The following ZNF142 variants were observed in gnomAD, a reference collection of about 807,000 sequenced individuals.
The protein encoded by ZNF142 is zinc finger protein 142.
A neutral mutation model predicts 132.1 loss-of-function variants in ZNF142; 96 were observed. The observed-to-expected ratio is 0.73, with a 90% CI of 0.62 to 0.86. ZNF142 has a LOEUF of 0.86. Ranked by LOEUF, ZNF142 falls within the 40% of genes least tolerant of loss-of-function variation. The probability of loss-of-function intolerance (pLI) is 0.00; values close to 1 mark genes in which losing one functional copy is unlikely to be tolerated. For synonymous variants in ZNF142, 842 were observed against 890.1 expected (o/e 0.95, Z 0.96); for missense variants, 2,163 against 2,336.2 (o/e 0.93, Z 1.53).
intron 4 of ZNF142, among the ~76,000 whole-genome samples, chr2:218,655,598 TCCTG>T (rs1252619610): frequency 3.6e-4 from 55 of 152,284 alleles, no homozygotes; most frequent in Admixed American, 3.4e-3. Context: ...CAAGCAATCT[TCCTG>T]CCTCAGCCTC....
At chr2:218,646,388 C>T (rs1190395941) in intron 7 of ZNF142, 40 bp from the exon 8 acceptor site, 1 of 1,603,770 alleles carries the variant, frequency 6.2e-7, no homozygotes, top group Non-Finnish European at 8.5e-7. Context: ...GAACACAGGT[C>T]AGATACAGAT....
At chr2:218,638,923 C>G (rs1696946145) in intron 10 of ZNF142, 115 bp from the exon 11 acceptor site, 1 of 808,932 alleles carries the variant, frequency 1.2e-6, no homozygotes, top group African/African-American at 1.7e-5. Flanking sequence ...GACTAATGAC[C>G]ATCTCTTTGG....
rs1559296440 is a variant in ZNF142, at chr2:218,646,358, G to A, written c.1874-10C>T. On this transcript the variant is annotated splice_polypyrimidine_tract_variant and intron_variant, in intron 7 of 10. Transcript: ENST00000411696. ...TTGTGGGGCTTCTCACCTTATATGGGGGATGCGGATGAAGGGAGAGAACAC... is the reference window on the plus strand; with the variant it reads ...TTGTGGGGCTTCTCACCTTATATGGAGGATGCGGATGAAGGGAGAGAACAC... 3 of 1,613,826 alleles carry A rather than the reference G, an allele frequency of 1.9e-6. No homozygotes were observed. Among genetic ancestry groups the A allele is most frequent in the Non-Finnish European group, 2.5e-6 (3 of 1,179,832 alleles).
chr2:218,641,091 T>C (rs1353480297), intron 9 of ZNF142, among the ~76,000 whole-genome samples: 1 of 151,868 alleles, frequency 6.6e-6, no homozygotes, highest in East Asian at 1.9e-4. Flanking sequence ...TGCGCCACAA[T>C]GTCCAGCTAA....
At position 218,643,031 on chromosome 2, in the gene ZNF142, G is replaced by A. The variant is rs1433131578; in HGVS notation, c.4085C>T (p.Ala1362Val). The change falls in exon 9 of 11, where the codon GCC becomes GTC. Residue 1362 changes from alanine (A) to valine (V), a missense_variant. By Grantham distance (64) the Ala-to-Val change is moderately conservative. This residue lies in a region of ZNF142 where 809 missense variants were observed against 801.7 expected (regional missense o/e 1.01). Transcript: ENST00000411696. ...ATGGGGCCGGGGCCCACGGGCTGGG[G>A]CTGCAGTGGGGTGCCTCCGCTTCTG... ...LHQKRRHPTAAPARGPRPHLQ... is the reference protein window; with the variant it reads ...LHQKRRHPTAVPARGPRPHLQ... 6 of 1,600,228 alleles carry A rather than the reference G, an allele frequency of 3.7e-6. No individual in the cohort carries two copies. In the African/African-American group the frequency reaches 6.7e-5, roughly 18 times the overall value.
chr2:218,642,763 A>G lies in ZNF142; in HGVS notation c.4353T>C (p.His1451=). ...SKLRLHRLRV[H]DKTPTHFCPL... ...GACAGAAGTGGGTAGGTGTTTTGTC[A>G]TGTACCCTTAACCGGTGCAAGCGCA... Residue 1451 remains histidine (H), a synonymous_variant, in exon 9 of 11, where the codon CAT becomes CAC. Coordinates refer to ENST00000411696, the MANE Select transcript of ZNF142 (RefSeq NM_001379659.1). The surrounding 1 kb of genome is among the most constrained non-coding windows in gnomAD (Gnocchi z 4.6). 6.2e-7 allele frequency: 1 copy of G among 1,614,150 alleles called. No homozygotes were observed.
In ZNF142 at chr2:218,636,533, G is replaced by C. The variant is rs373959827; in HGVS notation, c.*1806C>G. The stretch of plus-strand genomic sequence containing the variant: ...CAGCCTCCGCCCAGCTTCCATCTTT[G>C]TGTATATCTGCATCCAGGAAGGCCT... On this transcript the variant is annotated 3_prime_UTR_variant, in exon 11 of 11. Coordinates refer to ENST00000411696, the MANE Select transcript of ZNF142 (RefSeq NM_001379659.1). The C allele has an allele frequency of 6.2e-7, 1 of 1,613,864 alleles. No individual in the cohort carries two copies. The highest frequency in any genetic ancestry group is 8.5e-7 in the Non-Finnish European group (1 of 1,179,892).
rs1305350925 is a variant in ZNF142, at chr2:218,652,317, G to C, written c.281-17C>G. ...CCAGGACACCTGCAGGCAGAGGACC[G>C]ACAGAGAAAGGCATAGAATCAGATG... On this transcript the variant is annotated splice_polypyrimidine_tract_variant and intron_variant, in intron 4 of 10. Transcript: ENST00000411696. The C allele has an allele frequency of 2.2e-6, 1 of 456,836 alleles. No homozygotes were observed. The highest frequency in any genetic ancestry group is 4.4e-6 in the Non-Finnish European group (1 of 226,968). 28.3% of individuals were successfully genotyped at this position (456,836 alleles called of 1,614,324 possible).
At position 218,650,466 on chromosome 2, in the gene ZNF142, C is replaced by G. The variant is rs531088214; in HGVS notation, c.941G>C (p.Gly314Ala). 204 of 1,613,864 alleles carry G rather than the reference C, an allele frequency of 1.3e-4. 2 individuals are homozygous for G. The South Asian group carries it at 2.2e-3, about 17-fold the overall frequency. ...PSQEAGTPLPGQETAEEENVE... is the reference protein window; with the variant it reads ...PSQEAGTPLPAQETAEEENVE... ...ATTCTCCTCTTCAGCTGTCTCCTGC[C>G]CAGGCAAGGGTGTACCTGCTTCCTG... The change falls in exon 6 of 11, where the codon GGG becomes GCG. Residue 314 changes from glycine to alanine, a missense_variant. Gly to Ala is a moderately conservative substitution (Grantham distance 60, BLOSUM62 0). Transcript: ENST00000411696.
rs768437598 is a variant in ZNF142, at chr2:218,644,154, G to A, written c.2962C>T (p.Pro988Ser). ...GGGGGCAAGGGTGCTGTCTCAGCAGGTGGAGTTGTCTTGAAGGTTCCTACC... is the reference window on the plus strand; with the variant it reads ...GGGGGCAAGGGTGCTGTCTCAGCAGATGGAGTTGTCTTGAAGGTTCCTACC... ...NWVGTFKTTPPAETAPLPPLP... is the reference protein window; with the variant it reads ...NWVGTFKTTPSAETAPLPPLP... Residue 988 changes from proline to serine, a missense_variant, in exon 9 of 11, where the codon CCT becomes TCT. Physicochemically the swap from Pro to Ser is moderately conservative, Grantham distance 74 (BLOSUM62 -1). Around this residue, in one of 7 missense-constraint regions of ZNF142, gnomAD observed 809 missense variants for 801.7 expected, o/e 1.01. Coordinates refer to ENST00000411696, the MANE Select transcript of ZNF142 (RefSeq NM_001379659.1). This position sits in a 1 kb window ranked among gnomAD's most constrained non-coding sequence, Gnocchi z 4.6. 23 of 1,613,992 alleles carry A rather than the reference G, an allele frequency of 1.4e-5. No individual in the cohort carries two copies. In the East Asian group the frequency reaches 3.3e-4, roughly 23 times the overall value.
rs114603798 is a variant in ZNF142 at position 218,642,443 on chromosome 2, G to A, written c.4673C>T (p.Ala1558Val). The change falls in exon 9 of 11, where the codon GCC (alanine) becomes GTC (valine). Residue 1558 changes from alanine to valine, a missense_variant. Coordinates refer to ENST00000411696, the MANE Select transcript of ZNF142 (RefSeq NM_001379659.1). The surrounding 1 kb of genome is among the most constrained non-coding windows in gnomAD (Gnocchi z 4.6). ...RKQHPRLECG[A>V]CQEAFPSRLA... ...TCGGCTAGGGAAGGCCTCCTGGCAG[G>A]CCCCACACTCAAGCCGTGGGTGCTG... 29,712 of 1,612,474 alleles carry A rather than the reference G, an allele frequency of 0.018. 386 individuals are homozygous for A. Among genetic ancestry groups the A allele is most frequent in the South Asian group, 0.044 (3,961 of 91,010 alleles).
rs903749185 is a variant in ZNF142, at chr2:218,659,116, T to C, written c.-347A>G. On this transcript the variant is annotated 5_prime_UTR_variant, in exon 2 of 11. Coordinates refer to ENST00000411696, the MANE Select transcript of ZNF142 (RefSeq NM_001379659.1). The surrounding 1 kb of genome is among the most constrained non-coding windows in gnomAD (Gnocchi z 4.4). ...AGAGCCAGCGAACTGGAAAGGCGGTTTGTAACCTGGAAGGCTTGGGATGGA... is the reference window on the plus strand; with the variant it reads ...AGAGCCAGCGAACTGGAAAGGCGGTCTGTAACCTGGAAGGCTTGGGATGGA... 1.3e-5 allele frequency: 2 copies of C among 152,318 alleles called. No individual in the cohort carries two copies. Among genetic ancestry groups the C allele is most frequent in the African/African-American group, 4.8e-5 (2 of 41,444 alleles). 9.4% of individuals were successfully genotyped at this position (152,318 alleles called of 1,614,324 possible).
rs183605922 is a variant in ZNF142, at chr2:218,634,157, C to A, written c.*4182G>T. 14 of 1,612,670 alleles carry A rather than the reference C, an allele frequency of 8.7e-6. No homozygotes were observed. Among genetic ancestry groups the A allele is most frequent in the East Asian group, 2.2e-5 (1 of 44,858 alleles). The stretch of plus-strand genomic sequence containing the variant: ...GGCAGTTAAGCCGTGTGTATCCCAG[C>A]GGCCTGAGGACAGACTCTTCCAACT... On this transcript the variant is annotated 3_prime_UTR_variant, in exon 11 of 11. Coordinates refer to ENST00000411696, the MANE Select transcript of ZNF142 (RefSeq NM_001379659.1). The surrounding 1 kb of genome is among the most constrained non-coding windows in gnomAD (Gnocchi z 4.0).
Position 218,643,600 on chromosome 2 carries a change from G to A in ZNF142, c.3516C>T (p.Pro1172=). ...AGCAGTGCTTCTTAGGGGCCTCTGT[G>A]GGCAAGGAGTTTCCTGCAGGAGGGA... The part of the protein sequence containing the change: ...SPVPPAGNSL[P]TEAPKKHCFD... The change falls in exon 9 of 11, where the codon CCC becomes CCT. Residue 1172 remains proline (P), a synonymous_variant. Transcript: ENST00000411696. 6.4e-7 allele frequency: 1 copy of A among 1,565,716 alleles called. No individual in the cohort carries two copies. Among genetic ancestry groups the A allele is most frequent in the Non-Finnish European group, 8.6e-7 (1 of 1,157,172 alleles).
At position 218,633,507 on chromosome 2, in the gene ZNF142, G is replaced by A. The variant is rs767179625; in HGVS notation, c.*4832C>T. On this transcript the variant is annotated 3_prime_UTR_variant, in exon 11 of 11. Coordinates refer to ENST00000411696, the MANE Select transcript of ZNF142 (RefSeq NM_001379659.1). ...GTGAGGCAGGAGGGAGAATACAGTG[G>A]GGAGGCAGTGGGCAGAGGTTTAGGT... is the stretch of plus-strand genomic sequence containing the variant. The A allele has an allele frequency of 3.6e-6, 5 of 1,376,818 alleles. No individual in the cohort carries two copies. The Admixed American group carries it at 8.7e-5, about 24-fold the overall frequency. 85.3% of individuals were successfully genotyped at this position (1,376,818 alleles called of 1,614,324 possible). A position where few individuals can be genotyped will look rare whatever the true frequency, so the allele number is the denominator to read the frequency against.
intron 7 of ZNF142, among the ~76,000 whole-genome samples, chr2:218,646,788 T>C (rs569509707): frequency 6.6e-6 from 1 of 152,292 alleles, no homozygotes; most frequent in South Asian, 2.1e-4. Flanking sequence ...GGTTTCACCA[T>C]GTTAGCCAGG....
chr2:218,635,920 T>G lies in ZNF142; in HGVS notation c.*2419A>C. 1 of 1,613,988 alleles carries G rather than the reference T, an allele frequency of 6.2e-7. No homozygotes were observed. The highest frequency in any genetic ancestry group is 1.1e-5 in the South Asian group (1 of 91,080). ...ACAGCACGGCAGGAGACCAACTATG[T>G]GGAGAACAATGGTGAGAAACTGGCA... On this transcript the variant is annotated 3_prime_UTR_variant, in exon 11 of 11. Transcript: ENST00000411696.
chr2:218,653,564 A>G (rs575052441), intron 4 of ZNF142, among the ~76,000 whole-genome samples: 10 of 128,374 alleles, frequency 7.8e-5, no homozygotes, highest in Non-Finnish European at 1.6e-4. Flanking sequence ...GACAAGAGTG[A>G]AACTCTATCT....
In ZNF142 at chr2:218,657,037, C is replaced by T. The variant is rs887904559; in HGVS notation, c.-34-574G>A. ...TTCACCATGTTGGCCAGGCTGGTCT[C>T]GAACTTCTGACCTTGGGTGATCTGC... On this transcript the variant is annotated intron_variant, in intron 3 of 10. Transcript: ENST00000411696. Among the ~76,000 whole-genome samples, 14 of 152,108 alleles carry T rather than the reference C, an allele frequency of 9.2e-5. 1 individual carries two copies. The highest frequency in any genetic ancestry group is 9.2e-4 in the Admixed American group (14 of 15,278).
Sources: allele counts gnomAD v4.1 joint callset (sites outside exome capture counted in the v4.1 genomes callset), GRCh38; gene constraint gnomAD v4.1.1; regional missense constraint gnomAD v4.1.1; non-coding constraint Gnocchi (gnomAD v3.1); transcripts MANE v1.5; gene names NCBI Gene and HGNC (gene_info 2026-07-23, HGNC 2026-07-21).